MINDY3: variants seen among roughly 807,000 people sequenced by gnomAD.
MINDY3 encodes the protein MINDY lysine 48 deubiquitinase 3, also known as ubiquitin carboxyl-terminal hydrolase MINDY-3.
In MINDY3, 38 loss-of-function variants were observed where a neutral mutation model predicts 69.2. The ratio of observed to expected loss-of-function variants is 0.55; its 90% CI spans 0.42 to 0.72. The LOEUF is 0.72. Among genes scored for constraint, MINDY3 ranks in the 30% least tolerant of loss-of-function variants. The pLI, the probability that MINDY3 is intolerant of heterozygous loss-of-function variation, is 0.00. For synonymous variants in MINDY3, 192 were observed against 180.1 expected (o/e 1.07, Z -0.53); for missense variants, 522 against 519.0 (o/e 1.01, Z -0.06).
intron 10 of MINDY3, among the ~76,000 whole-genome samples, chr10:15,815,741 A>G (rs951867296): frequency 6.6e-6 from 1 of 152,184 alleles, no homozygotes; most frequent in African/African-American, 2.4e-5. Context: ...GCACTGCTAA[A>G]TACTTTGTAT....
At chr10:15,849,316 C>G (rs373241759) in intron 1 of MINDY3, among the ~76,000 whole-genome samples, 27 of 151,880 alleles carry the variant, frequency 1.8e-4, no homozygotes, top group Non-Finnish European at 3.2e-4. Flanking sequence ...AAGGGTAGTA[C>G]GGGGGTAGGA....
At chr10:15,779,195 A>T in intron 14 of MINDY3, 54 bp from the exon 15 acceptor site, 8 of 1,529,896 alleles carry the variant, frequency 5.2e-6, no homozygotes, top group Admixed American at 1.9e-5. Flanking sequence ...GCAAATTCTT[A>T]TGTGGAATGA....
At chr10:15,835,596 T>C (rs1833018302) in intron 6 of MINDY3, among the ~76,000 whole-genome samples, 1 of 152,012 alleles carries the variant, frequency 6.6e-6, no homozygotes. Context: ...GAAGGACAAC[T>C]TGCATGATAA....
At chr10:15,782,267 T>G in intron 13 of MINDY3, 41 bp from the exon 14 acceptor site, 1 of 1,309,636 alleles carries the variant, frequency 7.6e-7, no homozygotes, top group South Asian at 1.3e-5. Flanking sequence ...AAATTATATT[T>G]ATATCAGGCA....
chr10:15,833,344 T>G (rs1483038789), intron 8 of MINDY3, among the ~76,000 whole-genome samples: 1 of 152,190 alleles, frequency 6.6e-6, no homozygotes, highest in Non-Finnish European at 1.5e-5. Flanking sequence ...GCACTGTGTT[T>G]ATACATATTA....
chr10:15,822,295 C>G (rs975928002), intron 8 of MINDY3, among the ~76,000 whole-genome samples: 5 of 152,020 alleles, frequency 3.3e-5, no homozygotes, highest in Non-Finnish European at 5.9e-5. Context: ...TATGACTTTA[C>G]CAAAGACGAC....
intron 2 of MINDY3, among the ~76,000 whole-genome samples, chr10:15,844,034 G>C (rs1833665054): frequency 6.6e-6 from 1 of 152,142 alleles, no homozygotes; most frequent in Non-Finnish European, 1.5e-5. Flanking sequence ...TTAGTGTACA[G>C]ATTAGGAAGA....
chr10:15,833,485 C>T, intron 8 of MINDY3, 145 bp downstream of exon 8: 1 of 511,260 alleles, frequency 2.0e-6, no homozygotes, highest in Admixed American at 3.6e-5. Flanking sequence ...CATTATGGTG[C>T]CTTGAAAACT....
rs140669741 is a variant in MINDY3 at position 15,822,505 on chromosome 10, C to T, written c.731-779G>A. Among the ~76,000 whole-genome samples the T allele has an allele frequency of 1.7e-4, 26 of 152,170 alleles. 1 individual carries two copies. In the South Asian group the frequency reaches 1.9e-3, roughly 11 times the overall value. On this transcript the variant is annotated intron_variant, in intron 8 of 14. Coordinates refer to ENST00000277632, the MANE Select transcript of MINDY3 (RefSeq NM_024948.4). ...GAAACAACAAACAGGTATGAAAAATCGATGCATTTAAGGAATGAAGAATTT... is the reference window on the plus strand; with the variant it reads ...GAAACAACAAACAGGTATGAAAAATTGATGCATTTAAGGAATGAAGAATTT...
At chr10:15,849,077 A>G (rs978612018) in intron 1 of MINDY3, among the ~76,000 whole-genome samples, 1 of 152,206 alleles carries the variant, frequency 6.6e-6, no homozygotes, top group African/African-American at 2.4e-5. Context: ...TTACTAAAAT[A>G]AAGGAATAAA....
rs139510023 is a variant in MINDY3 at position 15,828,414 on chromosome 10, G to A, written c.730+5216C>T. Among the ~76,000 whole-genome samples the A allele has an allele frequency of 1.2e-4, 18 of 152,250 alleles. No homozygotes were observed. In the East Asian group the frequency reaches 2.5e-3, roughly 21 times the overall value. ...TAGATGAGCGGATGCTAGGGCTGGC[G>A]TGGAAGGAAGTATAAGGAGGACAGG... On this transcript the variant is annotated intron_variant, in intron 8 of 14. Coordinates refer to ENST00000277632, the MANE Select transcript of MINDY3 (RefSeq NM_024948.4).
intron 10 of MINDY3, among the ~76,000 whole-genome samples, chr10:15,808,708 GA>G (rs1446039437): frequency 6.6e-6 from 1 of 152,122 alleles, no homozygotes; most frequent in African/African-American, 2.4e-5. Flanking sequence ...TGCCTGACAA[GA>G]AAACTGCTTT....
intron 8 of MINDY3, among the ~76,000 whole-genome samples, chr10:15,830,814 T>C (rs1277348478): frequency 6.6e-6 from 1 of 152,118 alleles, no homozygotes; most frequent in African/African-American, 2.4e-5. Flanking sequence ...AGAGAGTAAA[T>C]ATTTTAGCGA....
At chr10:15,858,220 C>T (rs976553938) in intron 1 of MINDY3, among the ~76,000 whole-genome samples, 1 of 152,036 alleles carries the variant, frequency 6.6e-6, no homozygotes, top group Non-Finnish European at 1.5e-5. Context: ...AGCTACATAT[C>T]CAAAATATAA....
At chr10:15,823,130 T>G (rs1188355411) in intron 8 of MINDY3, among the ~76,000 whole-genome samples, 1 of 152,164 alleles carries the variant, frequency 6.6e-6, no homozygotes, top group Non-Finnish European at 1.5e-5. Context: ...ATCTAGATGG[T>G]GTAAGGCAAG....
At chr10:15,819,470 T>G (rs1189102412) in intron 9 of MINDY3, among the ~76,000 whole-genome samples, 1 of 152,096 alleles carries the variant, frequency 6.6e-6, no homozygotes, top group Non-Finnish European at 1.5e-5. Context: ...TCTCCCACAC[T>G]CCAGGGATCA....
intron 2 of MINDY3, among the ~76,000 whole-genome samples, chr10:15,847,049 T>A (rs1833900448): frequency 6.6e-6 from 1 of 151,994 alleles, no homozygotes; most frequent in African/African-American, 2.4e-5. Flanking sequence ...ACCCAATGAA[T>A]AATAAATGCC....
intron 10 of MINDY3, among the ~76,000 whole-genome samples, chr10:15,803,730 T>C (rs1267203109): frequency 6.6e-6 from 1 of 151,894 alleles, no homozygotes; most frequent in East Asian, 1.9e-4. Flanking sequence ...AAAAACATGC[T>C]ACTCTATCTT....
chr10:15,848,052 T>C (rs544184956), intron 1 of MINDY3, 109 bp from the exon 2 acceptor site: 4 of 843,116 alleles, frequency 4.7e-6, no homozygotes, highest in African/African-American at 3.4e-5. Flanking sequence ...AACAGCAAAA[T>C]ATCTTCAAAT....
Sources: gnomAD v4.1 joint callset for allele counts (sites outside exome capture counted in the v4.1 genomes callset) on GRCh38, gnomAD v4.1.1 for gene constraint, MANE v1.5 for transcripts, NCBI Gene and HGNC (gene_info 2026-07-23, HGNC 2026-07-21) for gene names.